The following CSMD1 variants were observed in gnomAD, a reference collection of about 807,000 sequenced individuals.
CSMD1 encodes the protein CUB and sushi domain-containing protein 1.
CSMD1 carries 213 observed loss-of-function variants against 417.5 expected under a neutral mutation model. The ratio of observed to expected loss-of-function variants is 0.51; its 90% confidence interval spans 0.46 to 0.57. The LOEUF (loss-of-function observed/expected upper bound fraction) is 0.57. Ranked by LOEUF, CSMD1 falls within the 20% of genes least tolerant of loss-of-function variation. The pLI is 0.00. For synonymous variants in CSMD1, 2,862 were observed against 1,736.8 expected (o/e 1.65, Z -16.11); for missense variants, 6,923 against 4,529.7 (o/e 1.53, Z -15.17).
At chr8:4,667,416 G>C (rs926037995) in intron 1 of CSMD1, among the ~76,000 whole-genome samples, 3 of 151,384 alleles carry the variant, frequency 2.0e-5, no homozygotes, top group African/African-American at 7.3e-5. Flanking sequence ...GATTTGGATT[G>C]CATTGAATCC....
At chr8:3,414,424 A>G (rs887661301) in intron 12 of CSMD1, among the ~76,000 whole-genome samples, 2 of 152,060 alleles carry the variant, frequency 1.3e-5, no homozygotes, top group African/African-American at 4.8e-5. Context: ...TGCTCTAGCT[A>G]TATTCCCAAA....
At chr8:4,216,070 G>T (rs1411467311) in intron 3 of CSMD1, among the ~76,000 whole-genome samples, 1 of 152,180 alleles carries the variant, frequency 6.6e-6, no homozygotes, top group Non-Finnish European at 1.5e-5. Context: ...GGAAGAAAGG[G>T]AGGTCACTAT....
chr8:3,568,438 GAACAA>G (rs1799809736), intron 10 of CSMD1, among the ~76,000 whole-genome samples: 1 of 152,038 alleles, frequency 6.6e-6, no homozygotes, highest in South Asian at 2.1e-4. Flanking sequence ...ACTAAACAAA[GAACAA>G]ATCAGTAAGA....
chr8:3,669,830 A>T (rs1200239058), intron 7 of CSMD1, among the ~76,000 whole-genome samples: 1 of 152,134 alleles, frequency 6.6e-6, no homozygotes, highest in African/African-American at 2.4e-5. Context: ...AGAACAGGAC[A>T]CAGTGGGTGA....
Position 3,614,603 on chromosome 8 carries a change from G to A in CSMD1, c.1097+2107C>T, listed in dbSNP as rs1018452197. Reference sequence around the variant, plus strand: ...TTTAAAACATGAAGTGCAATTTGAAGAATTTGATATTCTCAGATATGAGTT... The same window carrying A: ...TTTAAAACATGAAGTGCAATTTGAAAAATTTGATATTCTCAGATATGAGTT... On this transcript the variant is annotated intron_variant, in intron 8 of 69. Coordinates refer to ENST00000635120, the MANE Select transcript of CSMD1 (RefSeq NM_033225.6). Among the ~76,000 whole-genome samples, 22 of 152,270 alleles carry A rather than the reference G, an allele frequency of 1.4e-4. No individual in the cohort carries two copies. The East Asian group carries it at 4.1e-3, about 28-fold the overall frequency.
At chr8:4,961,818 CTT>C (rs1182834923) in intron 1 of CSMD1, among the ~76,000 whole-genome samples, 1 of 152,080 alleles carries the variant, frequency 6.6e-6, no homozygotes, top group Non-Finnish European at 1.5e-5. Flanking sequence ...TGCTAATCTA[CTT>C]TCTTGTTATT....
At chr8:3,399,139 T>C (rs189317585) in intron 16 of CSMD1, among the ~76,000 whole-genome samples, 3 of 151,900 alleles carry the variant, frequency 2.0e-5, no homozygotes, top group Admixed American at 6.6e-5. Context: ...GATACAAGGG[T>C]CGGACCTCGG....
chr8:3,323,964 A>C (rs1223226771), intron 23 of CSMD1, among the ~76,000 whole-genome samples: 1 of 115,680 alleles, frequency 8.6e-6, no homozygotes, highest in East Asian at 3.8e-4. Context: ...AGTTTCCTTC[A>C]CCCCACCTTT....
intron 18 of CSMD1, among the ~76,000 whole-genome samples, chr8:3,385,980 G>C (rs1810979822): frequency 6.6e-6 from 1 of 152,110 alleles, no homozygotes; most frequent in South Asian, 2.1e-4. Flanking sequence ...AATTAAGAAT[G>C]TACATTTTAG....
chr8:4,934,643 G>GCATT (rs1807475696), intron 1 of CSMD1, among the ~76,000 whole-genome samples: 1 of 132,276 alleles, frequency 7.6e-6, no homozygotes, highest in Non-Finnish European at 1.8e-5. Flanking sequence ...TATATATCAT[G>GCATT]TATTTATTGA....
chr8:4,717,437 CTATATATATACACACACTATATA>C (rs1281916651), intron 1 of CSMD1, among the ~76,000 whole-genome samples: 3 of 150,210 alleles, frequency 2.0e-5, no homozygotes, highest in African/African-American at 7.5e-5. Context: ...TACACATACA[CTATATATATACACACACTATATA>C]TATATATATA....
Position 4,586,509 on chromosome 8 carries a change from G to A in CSMD1, c.302+50833C>T, listed in dbSNP as rs536644985. On this transcript the variant is annotated intron_variant, in intron 2 of 69. Coordinates refer to ENST00000635120, the MANE Select transcript of CSMD1 (RefSeq NM_033225.6). ...ATCACACCTAGTTCCTTCTGGATGA[G>A]CCACAGCTTGGCAATTTTCCAGGAA... Among the ~76,000 whole-genome samples, 3 of 152,290 alleles carry A rather than the reference G, an allele frequency of 2.0e-5. No individual in the cohort carries two copies. The East Asian group carries it at 5.8e-4, about 29-fold the overall frequency.
At chr8:4,036,695 G>C (rs115989451) in intron 3 of CSMD1, among the ~76,000 whole-genome samples, 2 of 152,324 alleles carry the variant, frequency 1.3e-5, no homozygotes, top group African/African-American at 4.8e-5. Flanking sequence ...ATTTCTCATT[G>C]TATCTGACGT....
chr8:3,192,113 G>A (rs1043242267), intron 33 of CSMD1, among the ~76,000 whole-genome samples: 3 of 152,140 alleles, frequency 2.0e-5, no homozygotes, highest in African/African-American at 7.2e-5. Context: ...ATTAAACGAT[G>A]TTTCAATTTG....
intron 3 of CSMD1, among the ~76,000 whole-genome samples, chr8:4,254,167 T>G (rs888952314): frequency 1.3e-5 from 2 of 152,082 alleles, no homozygotes; most frequent in African/African-American, 4.8e-5. Flanking sequence ...TCCACCCGCC[T>G]TGGCCTCCCA....
chr8:3,431,145 C>G (rs1371903087), intron 12 of CSMD1, among the ~76,000 whole-genome samples: 2 of 152,120 alleles, frequency 1.3e-5, no homozygotes, highest in Non-Finnish European at 2.9e-5. Context: ...ACCAACAGAG[C>G]TAGCAACTCT....
At chr8:4,300,165 C>G (rs914503773) in intron 3 of CSMD1, among the ~76,000 whole-genome samples, 4 of 151,354 alleles carry the variant, frequency 2.6e-5, no homozygotes, top group Non-Finnish European at 4.4e-5. Context: ...AAAACAACAA[C>G]AAAACAGACA....
chr8:3,833,564 C>A (rs1312376498), intron 5 of CSMD1, among the ~76,000 whole-genome samples: 1 of 151,908 alleles, frequency 6.6e-6, no homozygotes, highest in Non-Finnish European at 1.5e-5. Flanking sequence ...AAGTGGTAAT[C>A]AACTTTTTTG....
chr8:4,636,541 T>A (rs1039405987), intron 2 of CSMD1, among the ~76,000 whole-genome samples: 8 of 152,216 alleles, frequency 5.3e-5, no homozygotes, highest in Non-Finnish European at 1.5e-5. Context: ...TCTGATTAGC[T>A]GAATTGTACT....
Sources: gnomAD v4.1 joint callset for allele counts (sites outside exome capture counted in the v4.1 genomes callset) on GRCh38, gnomAD v4.1.1 for gene constraint, MANE v1.5 for transcripts, NCBI Gene and HGNC (gene_info 2026-07-23, HGNC 2026-07-21) for gene names.